Variants in FOXP1 observed in about 807,000 individuals in gnomAD.
FOXP1 encodes the protein forkhead box protein P1.
A neutral mutation model predicts 98.2 loss-of-function variants in FOXP1; 15 were observed. The observed-to-expected ratio is 0.15, with a 90% CI of 0.10 to 0.24. The LOEUF (loss-of-function observed/expected upper bound fraction) is 0.24, where lower values mean the gene tolerates loss of function less well. Among genes scored for constraint, FOXP1 ranks in the 10% least tolerant of loss-of-function variants. FOXP1 has a pLI of 1.00. For missense variants in FOXP1, 633 were observed against 848.5 expected, an observed-to-expected ratio of 0.75 and a Z score of 3.15; for synonymous variants, 371 against 314.5, an observed-to-expected ratio of 1.18 and a Z score of -1.90.
intron 2 of FOXP1, among the ~76,000 whole-genome samples, chr3:71,529,306 A>C (rs1041874370): frequency 4.6e-5 from 7 of 152,240 alleles, no homozygotes; most frequent in Non-Finnish European, 7.3e-5. Context: ...GAAAGAAAGT[A>C]CTAGTGTGTT....
At chr3:71,215,413 CACAT>C (rs1286843735) in intron 5 of FOXP1, among the ~76,000 whole-genome samples, 1 of 152,132 alleles carries the variant, frequency 6.6e-6, no homozygotes, top group African/African-American at 2.4e-5. Context: ...ATCAATTAGA[CACAT>C]AAATAAGTGG....
chr3:71,254,178 T>C (rs1295441241), intron 5 of FOXP1, among the ~76,000 whole-genome samples: 2 of 152,192 alleles, frequency 1.3e-5, no homozygotes, highest in Non-Finnish European at 2.9e-5. Flanking sequence ...TCTGGGTATT[T>C]TCCTCCCCCC....
At chr3:71,346,521 T>C (rs2077371826) in intron 4 of FOXP1, among the ~76,000 whole-genome samples, 1 of 152,176 alleles carries the variant, frequency 6.6e-6, no homozygotes, top group South Asian at 2.1e-4. Context: ...TAGTATAGTA[T>C]CCAACCTTAT....
At position 71,244,308 on chromosome 3, in the gene FOXP1, G is replaced by A. The variant is rs201123372; in HGVS notation, c.-11-45916C>T. Reference sequence around the variant, plus strand: ...CACAGTGCGTGCGCTCTCATCCCTCGGCTCCAAGCATGATCTCTCCCCCCT... The same window carrying A: ...CACAGTGCGTGCGCTCTCATCCCTCAGCTCCAAGCATGATCTCTCCCCCCT... On this transcript the variant is annotated intron_variant, in intron 5 of 20. Coordinates refer to ENST00000649528, the MANE Select transcript of FOXP1 (RefSeq NM_001349338.3). 2.6e-5 allele frequency among the ~76,000 whole-genome samples: 4 copies of A among 152,000 alleles called. No individual in the cohort carries two copies. In the East Asian group the frequency reaches 7.7e-4, roughly 29 times the overall value.
At chr3:71,416,756 G>A (rs1001760135) in intron 3 of FOXP1, among the ~76,000 whole-genome samples, 4 of 151,962 alleles carry the variant, frequency 2.6e-5, no homozygotes, top group Non-Finnish European at 5.9e-5. Context: ...CAAAGACCCC[G>A]TGGTACCTGG....
At chr3:71,435,027 G>A (rs560853922) in intron 3 of FOXP1, among the ~76,000 whole-genome samples, 1 of 151,578 alleles carries the variant, frequency 6.6e-6, no homozygotes, top group African/African-American at 2.4e-5. Flanking sequence ...TTTACGGCAT[G>A]TCGTCAGTTC....
At chr3:71,186,579 C>T (rs866148404) in intron 6 of FOXP1, among the ~76,000 whole-genome samples, 57 of 152,226 alleles carry the variant, frequency 3.7e-4, no homozygotes, top group African/African-American at 1.3e-3. Context: ...GGTGTGGTGG[C>T]GCAAGCCTGT....
intron 13 of FOXP1, among the ~76,000 whole-genome samples, chr3:70,988,961 G>C (rs1279173124): frequency 2.0e-5 from 3 of 152,104 alleles, no homozygotes; most frequent in African/African-American, 7.2e-5. Flanking sequence ...TAATATGAGA[G>C]AGAGAGAGGA....
intron 2 of FOXP1, among the ~76,000 whole-genome samples, chr3:71,522,670 G>A (rs1190368022): frequency 6.6e-6 from 1 of 152,156 alleles, no homozygotes. Flanking sequence ...AGACCGTTCT[G>A]GGCCAATGCC....
At position 71,278,125 on chromosome 3, in the gene FOXP1, C is replaced by A. The variant is rs186129926; in HGVS notation, c.-12+21695G>T. ...TCTCTGTGCCTGCGGGAAACAGTAG[C>A]CCCTACGTAACCCAGAGAAACCAGA... On this transcript the variant is annotated intron_variant, in intron 5 of 20. Transcript: ENST00000649528. 1.5e-3 allele frequency among the ~76,000 whole-genome samples: 235 copies of A among 152,234 alleles called. 1 individual carries two copies. Among genetic ancestry groups the A allele is most frequent in the Non-Finnish European group, 1.1e-3 (74 of 68,022 alleles).
chr3:71,377,572 C>T (rs549894635), intron 3 of FOXP1, among the ~76,000 whole-genome samples: 2 of 152,218 alleles, frequency 1.3e-5, no homozygotes, highest in South Asian at 4.2e-4. Flanking sequence ...TCACCGAGTT[C>T]CTAAGTAGCT....
intron 3 of FOXP1, among the ~76,000 whole-genome samples, chr3:71,465,327 G>A (rs77384474): frequency 2.5e-3 from 156 of 61,350 alleles, no homozygotes; most frequent in African/African-American, 7.6e-3. Context: ...AAAAAAAAAA[G>A]AAGAAGAAGA....
chr3:71,199,488 A>G (rs1258118812), intron 5 of FOXP1, among the ~76,000 whole-genome samples: 2 of 148,704 alleles, frequency 1.3e-5, no homozygotes, highest in Non-Finnish European at 3.0e-5. Context: ...GCACTTTAGG[A>G]GGATGAGGCA....
chr3:71,295,649 T>C (rs1431593302), intron 5 of FOXP1, among the ~76,000 whole-genome samples: 1 of 152,216 alleles, frequency 6.6e-6, no homozygotes, highest in Non-Finnish European at 1.5e-5. Flanking sequence ...GTAATCTATA[T>C]GGCCTTGATG....
At chr3:71,371,968 C>A (rs886217155) in intron 3 of FOXP1, among the ~76,000 whole-genome samples, 1 of 152,088 alleles carries the variant, frequency 6.6e-6, no homozygotes, top group Non-Finnish European at 1.5e-5. Context: ...AAAGGTTCTT[C>A]CCCTGGCTCT....
At chr3:71,311,931 T>C in intron 4 of FOXP1, among the ~76,000 whole-genome samples, 1 of 152,172 alleles carries the variant, frequency 6.6e-6, no homozygotes, top group East Asian at 1.9e-4. Context: ...CACTCAACTA[T>C]GACCCAAGGC....
At chr3:71,290,569 T>C (rs765569781) in intron 5 of FOXP1, among the ~76,000 whole-genome samples, 3 of 152,144 alleles carry the variant, frequency 2.0e-5, no homozygotes, top group Non-Finnish European at 2.9e-5. Flanking sequence ...GAGCGATCCA[T>C]TTAAAAAGCA....
intron 3 of FOXP1, among the ~76,000 whole-genome samples, chr3:71,426,357 G>A (rs2084152580): frequency 6.6e-6 from 1 of 152,124 alleles, no homozygotes; most frequent in East Asian, 1.9e-4. Flanking sequence ...ATGTCAGGAA[G>A]GACCATGGAA....
At chr3:71,412,837 G>T (rs1035436610) in intron 3 of FOXP1, among the ~76,000 whole-genome samples, 2 of 151,906 alleles carry the variant, frequency 1.3e-5, no homozygotes, top group African/African-American at 4.8e-5. Flanking sequence ...AATTGACAAG[G>T]GAGAATAAAC....
Sources: gnomAD v4.1 joint callset for allele counts (sites outside exome capture counted in the v4.1 genomes callset) on GRCh38, gnomAD v4.1.1 for gene constraint, MANE v1.5 for transcripts, NCBI Gene and HGNC (gene_info 2026-07-23, HGNC 2026-07-21) for gene names.